CDH12: variants seen among roughly 807,000 people sequenced by gnomAD.
CDH12 encodes the protein cadherin 12.
In CDH12, 41 loss-of-function variants were observed where a neutral mutation model predicts 74.1. That is an observed-to-expected ratio of 0.55 (90% CI 0.43 to 0.72). The LOEUF (loss-of-function observed/expected upper bound fraction) is 0.72. CDH12 is among the 30% of genes least tolerant of loss of function. CDH12 has a pLI of 0.00. For missense variants in CDH12, 945 were observed against 977.2 expected (o/e 0.97, Z 0.44); for synonymous variants, 399 against 355.0 (o/e 1.12, Z -1.39).
chr5:22,016,762 T>A (rs1191752343), intron 5 of CDH12, among the ~76,000 whole-genome samples: 1 of 152,156 alleles, frequency 6.6e-6, no homozygotes, highest in Non-Finnish European at 1.5e-5. Flanking sequence ...CTCTTGGATT[T>A]ATCCAGTTCT....
chr5:22,599,426 G>C lies in CDH12; in HGVS notation c.-522-94062C>G, dbSNP rs141850500. The stretch of plus-strand genomic sequence containing the variant: ...GGCTTAAATCTAGCCTAGAAATAAT[G>C]CCCTCTGGCCACTGCCCCAGTGCAT... On this transcript the variant is annotated intron_variant, in intron 1 of 14. Coordinates refer to ENST00000382254, the MANE Select transcript of CDH12 (RefSeq NM_004061.5). Among the ~76,000 whole-genome samples, 288 of 152,240 alleles carry C rather than the reference G, an allele frequency of 1.9e-3. 3 individuals carry two copies. The highest frequency in any genetic ancestry group is 6.5e-3 in the African/African-American group (270 of 41,554).
At position 22,672,858 on chromosome 5, in the gene CDH12, C is replaced by T. The variant is rs1354864142; in HGVS notation, c.-522-167494G>A. ...TGTAATTGTATGTTCTATTTCTAAG[C>T]ATATGAATAAAGTCTAAATTTATTT... On this transcript the variant is annotated intron_variant, in intron 1 of 14. Transcript: ENST00000382254. Among the ~76,000 whole-genome samples the T allele has an allele frequency of 3.3e-5, 5 of 152,222 alleles. No individual in the cohort carries two copies. The East Asian group carries it at 7.7e-4, about 24-fold the overall frequency.
chr5:22,097,272 C>G (rs925386141), intron 4 of CDH12, among the ~76,000 whole-genome samples: 1 of 152,200 alleles, frequency 6.6e-6, no homozygotes, highest in Non-Finnish European at 1.5e-5. Context: ...GCCCAAGGCT[C>G]TCTGACTGAC....
chr5:22,268,162 T>C (rs928014289), intron 3 of CDH12, among the ~76,000 whole-genome samples: 1 of 152,032 alleles, frequency 6.6e-6, no homozygotes, highest in Non-Finnish European at 1.5e-5. Context: ...CCTCTAGTAA[T>C]AGTCACTTAG....
At chr5:22,464,542 T>A (rs1359535746) in intron 2 of CDH12, among the ~76,000 whole-genome samples, 1 of 152,090 alleles carries the variant, frequency 6.6e-6, no homozygotes, top group African/African-American at 2.4e-5. Context: ...CTGTTAAATG[T>A]TGGAATTCCC....
At chr5:22,219,337 C>T (rs1009243813) in intron 3 of CDH12, among the ~76,000 whole-genome samples, 2 of 151,570 alleles carry the variant, frequency 1.3e-5, no homozygotes, top group African/African-American at 4.8e-5. Flanking sequence ...TACTTATTTA[C>T]GAAATCAAAC....
At chr5:22,466,913 C>T (rs895764405) in intron 2 of CDH12, among the ~76,000 whole-genome samples, 5 of 149,582 alleles carry the variant, frequency 3.3e-5, no homozygotes, top group Non-Finnish European at 7.4e-5. Flanking sequence ...CTCAGTCTCC[C>T]GAGTAGCTGG....
intron 3 of CDH12, among the ~76,000 whole-genome samples, chr5:22,356,424 T>A (rs552190232): frequency 1.8e-4 from 28 of 152,250 alleles, no homozygotes; most frequent in African/African-American, 6.3e-4. Context: ...GTATGTAGCA[T>A]AAATAAAAGC....
chr5:22,633,516 G>A (rs747735731), intron 1 of CDH12, among the ~76,000 whole-genome samples: 4 of 152,130 alleles, frequency 2.6e-5, no homozygotes, highest in African/African-American at 7.2e-5. Flanking sequence ...TGCATCTAGA[G>A]GACACTAACA....
intron 3 of CDH12, among the ~76,000 whole-genome samples, chr5:22,244,835 G>A (rs11959490): frequency 0.36 from 54,364 of 151,494 alleles, 10,134 homozygotes; most frequent in East Asian, 0.49. Context: ...GCTAGAGAGA[G>A]AGGAAGAGAG....
chr5:22,594,943 G>A lies in CDH12; in HGVS notation c.-522-89579C>T, dbSNP rs186320175. Among the ~76,000 whole-genome samples the A allele has an allele frequency of 8.6e-5, 13 of 152,036 alleles. No homozygotes were observed. The East Asian group carries it at 1.6e-3, about 18-fold the overall frequency. ...GGATTTACTTCTCAGTGTAACACTCGGCACAGTTTTCAGTTATTCAGAACA... is the reference window on the plus strand; with the variant it reads ...GGATTTACTTCTCAGTGTAACACTCAGCACAGTTTTCAGTTATTCAGAACA... On this transcript the variant is annotated intron_variant, in intron 1 of 14. Transcript: ENST00000382254.
chr5:21,771,422 A>C (rs1406860467), intron 11 of CDH12, among the ~76,000 whole-genome samples: 1 of 152,170 alleles, frequency 6.6e-6, no homozygotes, highest in African/African-American at 2.4e-5. Context: ...TATCATGTCT[A>C]ATATAATCTG....
At chr5:22,675,026 G>C (rs1741091157) in intron 1 of CDH12, among the ~76,000 whole-genome samples, 1 of 152,186 alleles carries the variant, frequency 6.6e-6, no homozygotes, top group Admixed American at 6.5e-5. Context: ...AGAAATTCAA[G>C]CTGGATACAG....
chr5:21,758,369 G>T (rs1744522410), intron 13 of CDH12, among the ~76,000 whole-genome samples: 1 of 152,098 alleles, frequency 6.6e-6, no homozygotes, highest in Non-Finnish European at 1.5e-5. Flanking sequence ...CTCTGATTTT[G>T]TGGAGACTCT....
intron 1 of CDH12, among the ~76,000 whole-genome samples, chr5:22,650,730 A>C (rs563278718): frequency 6.6e-6 from 1 of 152,054 alleles, no homozygotes; most frequent in African/African-American, 2.4e-5. Context: ...GTAATGAAGC[A>C]TCACTCTCTG....
At chr5:22,443,164 A>T (rs777604411) in intron 2 of CDH12, among the ~76,000 whole-genome samples, 3 of 152,156 alleles carry the variant, frequency 2.0e-5, no homozygotes, top group Non-Finnish European at 4.4e-5. Flanking sequence ...TCAAAGTAAG[A>T]GTCTAGATAA....
intron 2 of CDH12, among the ~76,000 whole-genome samples, chr5:22,480,336 AC>A (rs1020734509): frequency 6.6e-6 from 1 of 151,892 alleles, no homozygotes; most frequent in Non-Finnish European, 1.5e-5. Flanking sequence ...TAATCCCAGC[AC>A]TTTGCAAGGC....
chr5:22,017,300 A>G (rs1046860986), intron 5 of CDH12, among the ~76,000 whole-genome samples: 1 of 152,142 alleles, frequency 6.6e-6, no homozygotes, highest in Non-Finnish European at 1.5e-5. Flanking sequence ...GACCCTGAAC[A>G]TAAGACTTCA....
chr5:21,936,964 T>C (rs1338302510), intron 6 of CDH12, among the ~76,000 whole-genome samples: 1 of 152,252 alleles, frequency 6.6e-6, no homozygotes, highest in Non-Finnish European at 1.5e-5. Flanking sequence ...CAAGTAAGCC[T>C]CTTTTGTTTA....
Sources: allele counts gnomAD v4.1 joint callset (sites outside exome capture counted in the v4.1 genomes callset), GRCh38; gene constraint gnomAD v4.1.1; transcripts MANE v1.5; gene names NCBI Gene and HGNC (gene_info 2026-07-23, HGNC 2026-07-21).